Variants in MCPH1 observed in about 807,000 individuals in gnomAD.
MCPH1 encodes microcephalin.
Under a neutral mutation model 84.5 loss-of-function variants are expected in MCPH1, and 104 were observed. The ratio of observed to expected loss-of-function variants is 1.23; its 90% confidence interval spans 1.05 to 1.45. The LOEUF (loss-of-function observed/expected upper bound fraction) is 1.45, where lower values mean the gene tolerates loss of function less well. MCPH1 is among the 40% of genes most tolerant of loss of function. The pLI, the probability that MCPH1 is intolerant of heterozygous loss-of-function variation, is 0.00. For synonymous variants in MCPH1, 514 were observed against 366.8 expected (o/e 1.40, Z -4.58); for missense variants, 1,498 against 1,005.7 (o/e 1.49, Z -6.62).
intron 13 of MCPH1, among the ~76,000 whole-genome samples, chr8:6,630,948 A>C (rs1333153124): frequency 6.6e-6 from 1 of 152,194 alleles, no homozygotes; most frequent in Non-Finnish European, 1.5e-5. Context: ...AGAAGAGGAA[A>C]CTCTAACCTC....
chr8:6,623,688 C>CAAAAAAAAAAAAAAA (rs377522481), intron 13 of MCPH1, among the ~76,000 whole-genome samples: 6 of 92,420 alleles, frequency 6.5e-5, no homozygotes, highest in African/African-American at 2.8e-4. Flanking sequence ...AACCAACTTC[C>CAAAAAAAAAAAAAAA]AAAAAAAAAA....
chr8:6,633,508 T>G (rs1457463830), intron 13 of MCPH1, among the ~76,000 whole-genome samples: 2 of 152,174 alleles, frequency 1.3e-5, no homozygotes, highest in East Asian at 1.9e-4. Context: ...ACTTTTTGAG[T>G]GCCAATCTGT....
chr8:6,460,956 C>T (rs780654231), intron 9 of MCPH1, among the ~76,000 whole-genome samples: 2 of 152,188 alleles, frequency 1.3e-5, no homozygotes, highest in African/African-American at 2.4e-5. Flanking sequence ...TCCACCATTC[C>T]TGGAGACGAT....
intron 11 of MCPH1, among the ~76,000 whole-genome samples, chr8:6,495,802 C>G (rs1000410229): frequency 3.3e-5 from 5 of 152,176 alleles, no homozygotes; most frequent in African/African-American, 9.6e-5. Flanking sequence ...CCTAAAGTAT[C>G]ATCCAGTAAA....
chr8:6,406,730 G>C (rs751390398), intron 1 of MCPH1, 41 bp downstream of exon 1: 5 of 1,608,824 alleles, frequency 3.1e-6, no homozygotes, highest in Admixed American at 1.7e-5. Flanking sequence ...GCGGGAGTTT[G>C]AGGACCGGCA....
At chr8:6,522,364 GA>G (rs146836237) in intron 12 of MCPH1, among the ~76,000 whole-genome samples, 12,987 of 146,954 alleles carry the variant, frequency 0.088, 711 homozygotes, top group African/African-American at 0.16. Context: ...CAAAAAAAAA[GA>G]AAAAAAAATG....
chr8:6,585,261 A>C (rs1827875581), intron 12 of MCPH1, among the ~76,000 whole-genome samples: 1 of 152,178 alleles, frequency 6.6e-6, no homozygotes, highest in Non-Finnish European at 1.5e-5. Flanking sequence ...CATAAAAGAC[A>C]CCACAAGCAT....
intron 12 of MCPH1, among the ~76,000 whole-genome samples, chr8:6,511,843 AC>A (rs1367956024): frequency 6.6e-6 from 1 of 151,676 alleles, no homozygotes; most frequent in African/African-American, 2.4e-5. Flanking sequence ...AAGGGTAATG[AC>A]CCATTTTGTA....
intron 12 of MCPH1, among the ~76,000 whole-genome samples, chr8:6,567,320 C>T (rs1826279859): frequency 1.3e-5 from 2 of 151,924 alleles, no homozygotes; most frequent in Non-Finnish European, 2.9e-5. Flanking sequence ...CATGTGTGAT[C>T]CGCAAGGTCA....
At chr8:6,514,706 A>G in intron 12 of MCPH1, 1 of 1,614,142 alleles carries the variant, frequency 6.2e-7, no homozygotes, top group Non-Finnish European at 8.5e-7. Flanking sequence ...GTCCTCTGAA[A>G]ATCAACGCTG....
chr8:6,446,708 T>C (rs1369621757), intron 8 of MCPH1: 1 of 985,192 alleles, frequency 1.0e-6, no homozygotes, highest in Non-Finnish European at 1.2e-6. Flanking sequence ...ATTCTCCATC[T>C]TTCCAGTTTT....
chr8:6,412,580 C>G (rs1798687464), intron 2 of MCPH1, among the ~76,000 whole-genome samples: 1 of 152,202 alleles, frequency 6.6e-6, no homozygotes, highest in Admixed American at 6.5e-5. Flanking sequence ...CACCCTTAAT[C>G]TAGATGCAGC....
intron 12 of MCPH1, chr8:6,562,572 G>GTTTTTAAAAA: frequency 7.0e-5 from 3 of 42,828 alleles, no homozygotes; most frequent in Non-Finnish European, 1.4e-4. Context: ...TTTTTTTTTT[G>GTTTTTAAAAA]GTTGTTAAAA....
intron 12 of MCPH1, among the ~76,000 whole-genome samples, chr8:6,505,964 CATACATATTCTTTGTATATATAAAAACAT>C (rs1563308954): frequency 0.012 from 18 of 1,512 alleles, 1 homozygote; most frequent in Non-Finnish European, 0.056. Context: ...TATATAAAAA[CATACATATTCTTTGTATATATAAAAACAT>C]ATACATATTC....
chr8:6,475,600 G>C (rs1233080702), intron 9 of MCPH1, among the ~76,000 whole-genome samples: 1 of 152,194 alleles, frequency 6.6e-6, no homozygotes, highest in Non-Finnish European at 1.5e-5. Flanking sequence ...AGATCCTAGA[G>C]AGGGAGGGCG....
chr8:6,590,191 T>C (rs368831787), intron 12 of MCPH1, among the ~76,000 whole-genome samples: 1 of 129,024 alleles, frequency 7.8e-6, no homozygotes, highest in East Asian at 2.0e-4. Context: ...AGTGTTATAA[T>C]GTTAAGTGAA....
At chr8:6,526,842 G>T (rs1020647934) in intron 12 of MCPH1, among the ~76,000 whole-genome samples, 18 of 152,204 alleles carry the variant, frequency 1.2e-4, no homozygotes, top group South Asian at 1.0e-3. Context: ...GTCCCAAGTG[G>T]AACAGACATA....
intron 12 of MCPH1, chr8:6,509,035 T>C (rs759447188): frequency 1.2e-6 from 2 of 1,614,146 alleles, no homozygotes; most frequent in South Asian, 1.1e-5. Flanking sequence ...TTTTGCCGGC[T>C]GTCCCTGTAA....
intron 12 of MCPH1, among the ~76,000 whole-genome samples, chr8:6,532,926 T>C (rs867364989): frequency 2.0e-5 from 3 of 152,318 alleles, no homozygotes; most frequent in African/African-American, 7.2e-5. Context: ...TTCTAGACTT[T>C]TGGTTTCTCC....
Sources: gnomAD v4.1 joint callset for allele counts (sites outside exome capture counted in the v4.1 genomes callset) on GRCh38, gnomAD v4.1.1 for gene constraint, MANE v1.5 for transcripts, NCBI Gene and HGNC (gene_info 2026-07-23, HGNC 2026-07-21) for gene names.